The following NEMP2 variants were observed in gnomAD, a reference collection of about 807,000 sequenced individuals.
NEMP2 encodes nuclear envelope integral membrane protein 2.
A neutral mutation model predicts 54.2 loss-of-function variants in NEMP2; 53 were observed. The observed-to-expected ratio is 0.98, with a 90% CI of 0.78 to 1.23. The LOEUF (loss-of-function observed/expected upper bound fraction) is 1.23, where lower values mean the gene tolerates loss of function less well. Ranked by LOEUF, NEMP2 falls within the 50% of genes most tolerant of loss-of-function variation. The probability of loss-of-function intolerance (pLI) is 0.00; values close to 1 mark genes in which losing one functional copy is unlikely to be tolerated. For synonymous variants in NEMP2, 197 were observed against 190.3 expected, an observed-to-expected ratio of 1.04 and a Z score of -0.29; for missense variants, 455 against 511.3, an observed-to-expected ratio of 0.89 and a Z score of 1.06.
chr2:190,468,961 T>A, the NEMP2 span, among the ~76,000 whole-genome samples: 1 of 152,128 alleles, frequency 6.6e-6, no homozygotes, highest in African/African-American at 2.4e-5. Context: ...AAGTAGCCAC[T>A]CTTTGCTTCC....
chr2:190,430,876 C>T, the NEMP2 span, among the ~76,000 whole-genome samples: 1 of 142,464 alleles, frequency 7.0e-6, no homozygotes. Flanking sequence ...GACGGGGCGG[C>T]TGCCGGGCGG....
the NEMP2 span, among the ~76,000 whole-genome samples, chr2:190,552,651 TC>T: frequency 6.6e-6 from 1 of 151,890 alleles, no homozygotes; most frequent in Admixed American, 6.6e-5. Flanking sequence ...TTCCAGGAGT[TC>T]GAGGCTACAG....
chr2:190,517,529 G>A lies in NEMP2; in HGVS notation c.603C>T (p.Phe201=), dbSNP rs1393113167. 1 of 1,548,570 alleles carries A rather than the reference G, an allele frequency of 6.5e-7. No homozygotes were observed. ...LVFVLLLVKR[F]IPKYSTFWAL... ...CACATAGTATGCCTACCTTCGGAAT[G>A]AATCTTTTCACCAACAGCAAGACAA... The change falls in exon 5 of 9, where the codon TTC becomes TTT. Residue 201 remains phenylalanine (F), a synonymous_variant. Coordinates refer to ENST00000409150, the MANE Select transcript of NEMP2 (RefSeq NM_001142645.2).
At chr2:190,557,199 A>T in the NEMP2 span, among the ~76,000 whole-genome samples, 1 of 152,270 alleles carries the variant, frequency 6.6e-6, no homozygotes. Context: ...GATCTTTGAC[A>T]AACCTGACAA....
chr2:190,594,513 A>C, the NEMP2 span, among the ~76,000 whole-genome samples: 1 of 152,230 alleles, frequency 6.6e-6, no homozygotes, highest in African/African-American at 2.4e-5. This position sits in a 1 kb window ranked among gnomAD's most constrained non-coding sequence, Gnocchi z 5.6. Context: ...AAAACTATTT[A>C]TCTAACAGCC....
the NEMP2 span, among the ~76,000 whole-genome samples, chr2:190,471,056 T>G: frequency 6.6e-6 from 1 of 152,006 alleles, no homozygotes; most frequent in African/African-American, 2.4e-5. This position sits in a 1 kb window ranked among gnomAD's most constrained non-coding sequence, Gnocchi z 4.7. Context: ...TCTGGAAGGG[T>G]CTTGAGGGGA....
chr2:190,496,771 T>C, the NEMP2 span, among the ~76,000 whole-genome samples: 2 of 152,192 alleles, frequency 1.3e-5, no homozygotes, highest in East Asian at 3.9e-4. This position sits in a 1 kb window ranked among gnomAD's most constrained non-coding sequence, Gnocchi z 4.7. Context: ...GCAACCTGGA[T>C]GGAACTGGAG....
the NEMP2 span, among the ~76,000 whole-genome samples, chr2:190,561,305 C>T: frequency 5.3e-5 from 8 of 152,192 alleles, no homozygotes; most frequent in African/African-American, 1.7e-4. This position sits in a 1 kb window ranked among gnomAD's most constrained non-coding sequence, Gnocchi z 5.4. Flanking sequence ...CACCTGGGGA[C>T]AATGTGTAGC....
the NEMP2 span, among the ~76,000 whole-genome samples, chr2:190,548,080 A>G: frequency 4.6e-5 from 7 of 152,246 alleles, no homozygotes; most frequent in East Asian, 1.4e-3. Context: ...TGGAGCAAAT[A>G]GAAGGAAAGA....
chr2:190,450,244 T>G, the NEMP2 span, among the ~76,000 whole-genome samples: 1 of 152,088 alleles, frequency 6.6e-6, no homozygotes, highest in Non-Finnish European at 1.5e-5. Flanking sequence ...CATGGAAATA[T>G]CTGGCAGACT....
At chr2:190,468,229 C>T in the NEMP2 span, among the ~76,000 whole-genome samples, 1 of 152,078 alleles carries the variant, frequency 6.6e-6, no homozygotes, top group African/African-American at 2.4e-5. Context: ...AACATAATGT[C>T]CATAGAACAA....
the NEMP2 span, among the ~76,000 whole-genome samples, chr2:190,589,814 G>A: frequency 6.6e-6 from 1 of 152,130 alleles, no homozygotes; most frequent in African/African-American, 2.4e-5. This position sits in a 1 kb window ranked among gnomAD's most constrained non-coding sequence, Gnocchi z 4.3. Context: ...CATTGCCAAT[G>A]GCCTACCTGT....
chr2:190,452,201 G>T, the NEMP2 span, among the ~76,000 whole-genome samples: 1 of 151,998 alleles, frequency 6.6e-6, no homozygotes, highest in Non-Finnish European at 1.5e-5. Flanking sequence ...GTTGCAGTGA[G>T]CCGAGATTGC....
At chr2:190,448,776 A>AT in the NEMP2 span, among the ~76,000 whole-genome samples, 1 of 152,096 alleles carries the variant, frequency 6.6e-6, no homozygotes, top group Admixed American at 6.5e-5. Context: ...TATCTGTAAT[A>AT]TTTTTTTCTT....
At chr2:190,479,322 G>A in the NEMP2 span, among the ~76,000 whole-genome samples, 2 of 152,232 alleles carry the variant, frequency 1.3e-5, no homozygotes, top group East Asian at 3.9e-4. Flanking sequence ...GTAGGCAACT[G>A]GTAATACCAT....
At chr2:190,637,289 C>T in the NEMP2 span, among the ~76,000 whole-genome samples, 16 of 152,150 alleles carry the variant, frequency 1.1e-4, no homozygotes, top group African/African-American at 3.9e-4. The surrounding 1 kb of genome is among the most constrained non-coding windows in gnomAD (Gnocchi z 4.5). Flanking sequence ...TCAGAAGCCC[C>T]CTTGTTCCCC....
Position 190,520,766 on chromosome 2 carries a change from C to T in NEMP2, c.214-1583G>A, listed in dbSNP as rs1690727176. Among the ~76,000 whole-genome samples the T allele has an allele frequency of 6.6e-6, 1 of 152,118 alleles. No homozygotes were observed. The highest frequency in any genetic ancestry group is 2.4e-5 in the African/African-American group (1 of 41,414). On this transcript the variant is annotated intron_variant, in intron 2 of 8. Transcript: ENST00000409150. This position sits in a 1 kb window ranked among gnomAD's most constrained non-coding sequence, Gnocchi z 5.4. ...TTGTCAGTACCAGACTGCAGCCCCT[C>T]CATACATTGTGTTTCATTCATCTCA...
the NEMP2 span, among the ~76,000 whole-genome samples, chr2:190,479,253 C>T: frequency 6.6e-6 from 1 of 152,180 alleles, no homozygotes; most frequent in African/African-American, 2.4e-5. Flanking sequence ...AGTAAGTATT[C>T]TCTTGCAGCT....
chr2:190,593,182 C>T, the NEMP2 span, among the ~76,000 whole-genome samples: 5 of 152,182 alleles, frequency 3.3e-5, no homozygotes, highest in Non-Finnish European at 5.9e-5. The surrounding 1 kb of genome is among the most constrained non-coding windows in gnomAD (Gnocchi z 4.5). Context: ...CCCGATCAGC[C>T]GCAAAGGCAT....
Sources: allele counts gnomAD v4.1 joint callset (sites outside exome capture counted in the v4.1 genomes callset), GRCh38; gene constraint gnomAD v4.1.1; non-coding constraint Gnocchi (gnomAD v3.1); transcripts MANE v1.5; gene names NCBI Gene and HGNC (gene_info 2026-07-23, HGNC 2026-07-21).